EIF2AK3: variants seen among roughly 807,000 people sequenced by gnomAD.
EIF2AK3 encodes eukaryotic translation initiation factor 2-alpha kinase 3.
In EIF2AK3, 50 loss-of-function variants were observed where a neutral mutation model predicts 113.5. The ratio of observed to expected loss-of-function variants is 0.44; its 90% CI spans 0.35 to 0.56. The LOEUF (loss-of-function observed/expected upper bound fraction) is 0.56, where lower values mean the gene tolerates loss of function less well. Ranked by LOEUF, EIF2AK3 falls within the 20% of genes least tolerant of loss-of-function variation. The pLI, the probability that EIF2AK3 is intolerant of heterozygous loss-of-function variation, is 0.00. For synonymous variants in EIF2AK3, 448 were observed against 495.4 expected (o/e 0.90, Z 1.27); for missense variants, 1,185 against 1,378.0 (o/e 0.86, Z 2.22).
chr2:88,616,359 C>T (rs1263776373), intron 1 of EIF2AK3, among the ~76,000 whole-genome samples: 2 of 152,136 alleles, frequency 1.3e-5, no homozygotes, highest in Non-Finnish European at 2.9e-5. Flanking sequence ...TTGCATCTAC[C>T]GTTCCTTCTG....
At position 88,575,333 on chromosome 2, in the gene EIF2AK3, T is replaced by C. The variant is rs768007461; in HGVS notation, c.2150A>G (p.Gln717Arg). The C allele has an allele frequency of 4.3e-6, 7 of 1,614,072 alleles. No individual in the cohort carries two copies. In the Admixed American group the frequency reaches 8.3e-5, roughly 19 times the overall value. Residue 717 changes from glutamine (Q) to arginine (R), a missense_variant, in exon 13 of 17, where the codon CAA becomes CGA. By Grantham distance (43) the Gln-to-Arg change is conservative. Transcript: ENST00000303236. ...CCCTACTGAAAAAGACCTGCTTCTTTGTGGTGAAGGAGCTATGATTTCAAT... is the reference window on the plus strand; with the variant it reads ...CCCTACTGAAAAAGACCTGCTTCTTCGTGGTGAAGGAGCTATGATTTCAAT... ...EHIEIIAPSP[Q>R]RSRSFSVGIS...
At chr2:88,576,483 G>A (rs934053716) in intron 12 of EIF2AK3, 71 bp downstream of exon 12, 1 of 1,594,506 alleles carries the variant, frequency 6.3e-7, no homozygotes, top group Non-Finnish European at 8.5e-7. Context: ...AATCCCTAAA[G>A]TTATAAAACT....
chr2:88,558,030 T>C lies in EIF2AK3; in HGVS notation c.3151-94A>G. Reference sequence around the variant, plus strand: ...TGCTGGCAAAATATTTCTGTACATATTTTAAGCTTTTGAGCCATATTCGAG... The same window carrying C: ...TGCTGGCAAAATATTTCTGTACATACTTTAAGCTTTTGAGCCATATTCGAG... On this transcript the variant is annotated intron_variant, in intron 16 of 16. Coordinates refer to ENST00000303236, the MANE Select transcript of EIF2AK3 (RefSeq NM_004836.7). 1.2e-5 allele frequency: 15 copies of C among 1,299,714 alleles called. No homozygotes were observed. In the South Asian group the frequency reaches 1.8e-4, roughly 16 times the overall value. The allele number at this position is 1,299,714 out of a possible 1,614,324, so 80.5% of individuals were successfully genotyped here. A position where few individuals can be genotyped will look rare whatever the true frequency, so the allele number is the denominator to read the frequency against.
rs1456637620 is a variant in EIF2AK3, at chr2:88,574,901, G to T, written c.2582C>A (p.Thr861Asn). ...TTTAGTGAGATCTAAACTTAAAGTG[G>T]TTGGTCTTGGAGGAGAAATAGACAA... is the stretch of plus-strand genomic sequence containing the variant. Reference protein sequence around the residue: ...ATLSISPPRPTTLSLDLTKNT... With the variant: ...ATLSISPPRPNTLSLDLTKNT... Residue 861 changes from threonine to asparagine, a missense_variant, in exon 13 of 17, where the codon ACC (threonine) becomes AAC (asparagine). By Grantham distance (65) the Thr-to-Asn change is moderately conservative. Coordinates refer to ENST00000303236, the MANE Select transcript of EIF2AK3 (RefSeq NM_004836.7). 2 of 1,614,218 alleles carry T rather than the reference G, an allele frequency of 1.2e-6. No homozygotes were observed. The highest frequency in any genetic ancestry group is 1.7e-6 in the Non-Finnish European group (2 of 1,180,040).
At position 88,580,878 on chromosome 2, in the gene EIF2AK3, TA is replaced by T. The variant is rs1169810868; in HGVS notation, c.1764-1239del. On this transcript the variant is annotated intron_variant, in intron 10 of 16. Transcript: ENST00000303236. ...AATGAAGAGTAATAATCTGTATTCC[TA>T]AAAATAGCCAGTCAAGGTACCTCAG... Among the ~76,000 whole-genome samples, 6 of 152,232 alleles carry T rather than the reference TA, an allele frequency of 3.9e-5. No individual in the cohort carries two copies. In the South Asian group the frequency reaches 6.2e-4, roughly 16 times the overall value.
chr2:88,568,470 T>C (rs1001853208), intron 14 of EIF2AK3, among the ~76,000 whole-genome samples: 3 of 152,220 alleles, frequency 2.0e-5, no homozygotes, highest in Non-Finnish European at 4.4e-5. Flanking sequence ...AAAATGTCCT[T>C]AGCAGTAGAA....
intron 1 of EIF2AK3, among the ~76,000 whole-genome samples, chr2:88,615,980 C>T (rs1426601376): frequency 6.6e-6 from 1 of 152,110 alleles, no homozygotes; most frequent in Non-Finnish European, 1.5e-5. Flanking sequence ...CCATTTCTGC[C>T]CTCCATGAAA....
At chr2:88,595,933 G>A in intron 2 of EIF2AK3, 1 of 488,740 alleles carries the variant, frequency 2.0e-6, no homozygotes, top group African/African-American at 1.9e-5. Flanking sequence ...AGTTTACCAT[G>A]GGCCAAAAGG....
Position 88,595,603 on chromosome 2 carries a change from CTTGG to C in EIF2AK3, c.495_498del (p.Asp165GlufsTer35), listed in dbSNP as rs2104445982. On this transcript the variant is annotated frameshift_variant, in exon 3 of 17. Transcript: ENST00000303236. LOFTEE classifies it high-confidence loss of function. ...GGAACTGTTTCCATGCTTTCACGGT[CTTGG>C]TCCCACTGGAAGAGGGCTCCATCCA... 1 of 1,613,962 alleles carries C rather than the reference CTTGG, an allele frequency of 6.2e-7. No homozygotes were observed. The highest frequency in any genetic ancestry group is 8.5e-7 in the Non-Finnish European group (1 of 1,179,934).
chr2:88,575,858 C>T (rs897131594), intron 12 of EIF2AK3, among the ~76,000 whole-genome samples: 5 of 152,202 alleles, frequency 3.3e-5, no homozygotes, highest in African/African-American at 4.8e-5. Flanking sequence ...ATAAGCACCA[C>T]TTTAACAAGG....
chr2:88,579,461 CAT>C (rs1262721380), intron 11 of EIF2AK3, 55 bp downstream of exon 11: 1 of 1,604,424 alleles, frequency 6.2e-7, no homozygotes, highest in African/African-American at 1.3e-5. Context: ...ATATTTTACC[CAT>C]GAGATTAGAT....
chr2:88,571,824 A>G (rs977453604), intron 13 of EIF2AK3, among the ~76,000 whole-genome samples: 10 of 152,140 alleles, frequency 6.6e-5, no homozygotes, highest in African/African-American at 2.4e-4. Flanking sequence ...TCAAGACTAT[A>G]TCTACTCCCA....
chr2:88,584,401 C>T (rs185645595), intron 9 of EIF2AK3, among the ~76,000 whole-genome samples: 8 of 151,818 alleles, frequency 5.3e-5, no homozygotes, highest in African/African-American at 1.9e-4. Context: ...CCAATAGTCC[C>T]AGCTACTCGG....
At chr2:88,599,818 A>G (rs1018608048) in intron 2 of EIF2AK3, among the ~76,000 whole-genome samples, 5 of 152,174 alleles carry the variant, frequency 3.3e-5, no homozygotes, top group Non-Finnish European at 5.9e-5. Context: ...TGCAAAAATC[A>G]ACTGCCAAAC....
At chr2:88,589,420 AAG>A (rs551825156) in intron 6 of EIF2AK3, among the ~76,000 whole-genome samples, 193 of 152,238 alleles carry the variant, frequency 1.3e-3, no homozygotes, top group Non-Finnish European at 2.3e-3. Flanking sequence ...AATTAGATCC[AAG>A]AGTTTTCAAA....
At position 88,557,830 on chromosome 2, in the gene EIF2AK3, G is replaced by C. The variant is rs773099851; in HGVS notation, c.3257C>G (p.Thr1086Arg). 33 of 1,614,006 alleles carry C rather than the reference G, an allele frequency of 2.0e-5. No individual in the cohort carries two copies. The highest frequency in any genetic ancestry group is 2.6e-5 in the Non-Finnish European group (31 of 1,180,008). The change falls in exon 17 of 17, where the codon ACA becomes AGA. Residue 1086 changes from threonine to arginine, a missense_variant. Transcript: ENST00000303236. The stretch of plus-strand genomic sequence containing the variant: ...GGAGCGAGACCTCTGTCTGAGCACT[G>C]TTTTTCCTGGAAAGTCCAAGTCCTC... ...VFEDLDFPGKTVLRQRSRSLS... is the reference protein window; with the variant it reads ...VFEDLDFPGKRVLRQRSRSLS...
At chr2:88,602,687 TG>T (rs1177958701) in intron 2 of EIF2AK3, among the ~76,000 whole-genome samples, 1 of 152,026 alleles carries the variant, frequency 6.6e-6, no homozygotes, top group African/African-American at 2.4e-5. Flanking sequence ...TCATTAAGAT[TG>T]GGAAGATGTG....
rs766126107 is a variant in EIF2AK3, at chr2:88,557,827, A to G, written c.3260T>C (p.Val1087Ala). 9.9e-6 allele frequency: 16 copies of G among 1,614,044 alleles called. No homozygotes were observed. The highest frequency in any genetic ancestry group is 1.3e-5 in the African/African-American group (1 of 74,920). ...FEDLDFPGKT[V>A]LRQRSRSLSS... ...CAAGGAGCGAGACCTCTGTCTGAGCACTGTTTTTCCTGGAAAGTCCAAGTC... is the reference window on the plus strand; with the variant it reads ...CAAGGAGCGAGACCTCTGTCTGAGCGCTGTTTTTCCTGGAAAGTCCAAGTC... Residue 1087 changes from valine (V) to alanine (A), a missense_variant, in exon 17 of 17, where the codon GTG becomes GCG. Physicochemically the swap from Val to Ala is moderately conservative, Grantham distance 64. This residue lies in a region of EIF2AK3 where 877 missense variants were observed against 1,024.2 expected (regional missense o/e 0.86). Transcript: ENST00000303236.
intron 2 of EIF2AK3, among the ~76,000 whole-genome samples, chr2:88,607,328 T>G (rs1463323008): frequency 1.3e-5 from 2 of 152,210 alleles, no homozygotes; most frequent in Non-Finnish European, 1.5e-5. Context: ...GCAAATCAGA[T>G]TTCACATCTG....
Sources: allele counts gnomAD v4.1 joint callset (sites outside exome capture counted in the v4.1 genomes callset), GRCh38; gene constraint gnomAD v4.1.1; regional missense constraint gnomAD v4.1.1; transcripts MANE v1.5; gene names NCBI Gene and HGNC (gene_info 2026-07-23, HGNC 2026-07-21).